Variants in CMIP observed in about 807,000 individuals in gnomAD.
CMIP encodes the protein C-Maf-inducing protein.
In CMIP, 13 loss-of-function variants were observed where a neutral mutation model predicts 97.3. The observed-to-expected ratio is 0.13, with a 90% CI of 0.09 to 0.21. The LOEUF (loss-of-function observed/expected upper bound fraction) is 0.21. Among genes scored for constraint, CMIP ranks in the 10% least tolerant of loss-of-function variants. The pLI, the probability that CMIP is intolerant of heterozygous loss-of-function variation, is 1.00. For synonymous variants in CMIP, 538 were observed against 436.3 expected, an observed-to-expected ratio of 1.23 and a Z score of -2.91; for missense variants, 847 against 1,024.9, an observed-to-expected ratio of 0.83 and a Z score of 2.37.
Position 81,586,176 on chromosome 16 carries a change from A to G in CMIP, c.301-21391A>G, listed in dbSNP as rs774769651. Among the ~76,000 whole-genome samples the G allele has an allele frequency of 5.5e-4, 83 of 152,032 alleles. 1 individual carries two copies. Among genetic ancestry groups the G allele is most frequent in the Non-Finnish European group, 9.6e-4 (65 of 67,990 alleles). On this transcript the variant is annotated intron_variant, in intron 1 of 20. Transcript: ENST00000537098. ...GTAGAGACAGCCCCGCCCCACACCT[A>G]CCTTCTGTCATCAGGACCCCACTTA...
chr16:81,607,446 C>T, intron 1 of CMIP, 121 bp from the exon 2 acceptor site: 1 of 1,301,414 alleles, frequency 7.7e-7, no homozygotes, highest in East Asian at 2.3e-5. Context: ...TGCTGAGCTC[C>T]TGCACCAGCT....
At chr16:81,543,917 G>C (rs1159978293) in intron 1 of CMIP, among the ~76,000 whole-genome samples, 1 of 152,216 alleles carries the variant, frequency 6.6e-6, no homozygotes, top group Non-Finnish European at 1.5e-5. Context: ...GCTAATTGCA[G>C]GTCTGAATCG....
intron 1 of CMIP, among the ~76,000 whole-genome samples, chr16:81,572,128 T>C (rs892645428): frequency 6.6e-6 from 1 of 152,238 alleles, no homozygotes; most frequent in African/African-American, 2.4e-5. Context: ...GGGGCTCTTT[T>C]GCATGTTCTT....
chr16:81,468,336 A>G (rs1161866280), intron 1 of CMIP, among the ~76,000 whole-genome samples: 3 of 152,212 alleles, frequency 2.0e-5, no homozygotes, highest in Non-Finnish European at 2.9e-5. Flanking sequence ...CTGGAAGTAG[A>G]GCGCAAACTC....
chr16:81,448,442 C>T (rs1013272095), intron 1 of CMIP, among the ~76,000 whole-genome samples: 4 of 152,378 alleles, frequency 2.6e-5, no homozygotes, highest in South Asian at 2.1e-4. Context: ...CTCGGGCTCC[C>T]AGTCCCACCT....
At chr16:81,475,151 C>T (rs1176569701) in intron 1 of CMIP, among the ~76,000 whole-genome samples, 1 of 152,232 alleles carries the variant, frequency 6.6e-6, no homozygotes, top group African/African-American at 2.4e-5. Context: ...TCCCTTCTCT[C>T]CCTCCCTCCC....
intron 1 of CMIP, among the ~76,000 whole-genome samples, chr16:81,502,651 A>G (rs1364959637): frequency 6.6e-6 from 1 of 152,216 alleles, no homozygotes; most frequent in African/African-American, 2.4e-5. Context: ...GTCACATCCA[A>G]GACCTGCCCT....
intron 3 of CMIP, among the ~76,000 whole-genome samples, chr16:81,641,730 G>C (rs1597183465): frequency 6.6e-6 from 1 of 152,196 alleles, no homozygotes; most frequent in Non-Finnish European, 1.5e-5. Flanking sequence ...CCAGGAGCTG[G>C]CTTTTCAGGC....
At chr16:81,475,691 A>G (rs891591887) in intron 1 of CMIP, among the ~76,000 whole-genome samples, 2 of 152,166 alleles carry the variant, frequency 1.3e-5, no homozygotes, top group Non-Finnish European at 2.9e-5. Flanking sequence ...GATGGTTAAG[A>G]TAAAACACAA....
intron 1 of CMIP, among the ~76,000 whole-genome samples, chr16:81,541,983 C>G (rs1020131077): frequency 5.3e-5 from 8 of 152,358 alleles, no homozygotes; most frequent in Middle Eastern, 3.4e-3. Context: ...CACTCAGTCA[C>G]TGGTTCTAAT....
intron 3 of CMIP, among the ~76,000 whole-genome samples, chr16:81,636,508 G>C (rs1029298712): frequency 6.6e-6 from 1 of 151,528 alleles, no homozygotes; most frequent in East Asian, 1.9e-4. Flanking sequence ...TTGAACCCAG[G>C]GGGCAGAGGT....
rs191275146 is a variant in CMIP, at chr16:81,483,397, G to A, written c.300+37856G>A. Among the ~76,000 whole-genome samples, 130 of 152,332 alleles carry A rather than the reference G, an allele frequency of 8.5e-4. 1 individual carries two copies. Among genetic ancestry groups the A allele is most frequent in the South Asian group, 2.1e-3 (10 of 4,834 alleles). On this transcript the variant is annotated intron_variant, in intron 1 of 20. Transcript: ENST00000537098. Reference sequence around the variant, plus strand: ...TGTGCCTTGAGGAGGGTGGCAGGAGGTGAGCTCTGTGAGTCACTAGTGGGG... The same window carrying A: ...TGTGCCTTGAGGAGGGTGGCAGGAGATGAGCTCTGTGAGTCACTAGTGGGG...
chr16:81,447,167 C>T (rs889319994), intron 1 of CMIP, among the ~76,000 whole-genome samples: 1 of 151,698 alleles, frequency 6.6e-6, no homozygotes, highest in Non-Finnish European at 1.5e-5. Context: ...GCGGTGCCCC[C>T]TGCCTGGATT....
intron 1 of CMIP, among the ~76,000 whole-genome samples, chr16:81,590,212 A>C (rs561863130): frequency 1.3e-5 from 2 of 152,172 alleles, no homozygotes; most frequent in Non-Finnish European, 2.9e-5. Flanking sequence ...TCGTCGGACA[A>C]AAACATCCCT....
intron 1 of CMIP, among the ~76,000 whole-genome samples, chr16:81,584,893 C>G (rs572449411): frequency 6.6e-6 from 1 of 152,320 alleles, no homozygotes; most frequent in East Asian, 1.9e-4. Context: ...GTCAACTCCC[C>G]CAACTGTTCA....
rs541516000 is a variant in CMIP at position 81,616,437 on chromosome 16, C to T, written c.427-4439C>T. Among the ~76,000 whole-genome samples the T allele has an allele frequency of 3.3e-5, 5 of 152,228 alleles. No individual in the cohort carries two copies. Among genetic ancestry groups the T allele is most frequent in the Non-Finnish European group, 7.4e-5 (5 of 68,004 alleles). On this transcript the variant is annotated intron_variant, in intron 2 of 20. Coordinates refer to ENST00000537098, the MANE Select transcript of CMIP (RefSeq NM_198390.3). This position sits in a 1 kb window ranked among gnomAD's most constrained non-coding sequence, Gnocchi z 4.7. ...AGCTTCCTCATCTGTAAGATGGGTG[C>T]GTTGAGGAGGAGAGGAGGTGTGTGT...
At chr16:81,619,403 A>G (rs936314994) in intron 2 of CMIP, 9 of 152,312 alleles carry the variant, frequency 5.9e-5, no homozygotes, top group African/African-American at 2.2e-4. Flanking sequence ...GGGGAGCGGG[A>G]GGTGGTCACC....
intron 3 of CMIP, among the ~76,000 whole-genome samples, chr16:81,638,957 A>G (rs1270533019): frequency 6.6e-6 from 1 of 152,104 alleles, no homozygotes; most frequent in Admixed American, 6.5e-5. Context: ...CACTGCACTC[A>G]GTTTTCCTGG....
intron 1 of CMIP, among the ~76,000 whole-genome samples, chr16:81,486,724 C>A (rs769931248): frequency 1.3e-5 from 2 of 152,266 alleles, no homozygotes; most frequent in Non-Finnish European, 2.9e-5. Flanking sequence ...ACTCCCTAAG[C>A]GAATCCAGCT....
Sources: allele counts gnomAD v4.1 joint callset (sites outside exome capture counted in the v4.1 genomes callset), GRCh38; gene constraint gnomAD v4.1.1; non-coding constraint Gnocchi (gnomAD v3.1); transcripts MANE v1.5; gene names NCBI Gene and HGNC (gene_info 2026-07-23, HGNC 2026-07-21).